Variants in ARMC9 observed in about 807,000 individuals in gnomAD.
ARMC9 encodes armadillo repeat containing 9.
Under a neutral mutation model 107.0 loss-of-function variants are expected in ARMC9, and 94 were observed. The ratio of observed to expected loss-of-function variants is 0.88; its 90% CI spans 0.74 to 1.04. ARMC9 has a LOEUF of 1.04. Among genes scored for constraint, ARMC9 ranks in the 50% least tolerant of loss-of-function variants. The pLI is 0.00. For missense variants in ARMC9, 942 were observed against 1,030.1 expected (o/e 0.91, Z 1.17); for synonymous variants, 380 against 396.9 (o/e 0.96, Z 0.51).
chr2:231,259,239 A>G, intron 11 of ARMC9, 137 bp downstream of exon 11: 1 of 736,654 alleles, frequency 1.4e-6, no homozygotes. Context: ...CAAGAACGGA[A>G]GTCAAAAGCC....
intron 21 of ARMC9, among the ~76,000 whole-genome samples, chr2:231,349,687 A>G (rs769792236): frequency 6.6e-6 from 1 of 152,132 alleles, no homozygotes; most frequent in Non-Finnish European, 1.5e-5. Context: ...AGGCTGAGGC[A>G]GGAGAATCAC....
chr2:231,357,180 G>A (rs183132136), intron 22 of ARMC9, among the ~76,000 whole-genome samples: 19 of 152,286 alleles, frequency 1.2e-4, no homozygotes, highest in African/African-American at 4.6e-4. Flanking sequence ...TCTGGGCCCA[G>A]GCACATTCCG....
intron 1 of ARMC9, among the ~76,000 whole-genome samples, chr2:231,205,371 A>G (rs2031817543): frequency 6.6e-6 from 1 of 151,804 alleles, no homozygotes; most frequent in Admixed American, 6.6e-5. Context: ...TCCCATCTCA[A>G]AAAAAAAATT....
chr2:231,355,870 C>T lies in ARMC9; in HGVS notation c.2067C>T (p.Ala689=), dbSNP rs1054720626. The T allele has an allele frequency of 1.0e-5, 16 of 1,536,014 alleles. No homozygotes were observed. Among genetic ancestry groups the T allele is most frequent in the African/African-American group, 8.2e-5 (6 of 73,046 alleles). ...ACGGCCACCCGCAGGCCCTGCCAGC[C>T]GCTCACGAGGCTGTCTACAGGGAGG... ...ARNGHPQALP[A]AHEAVYREGK... The change falls in exon 22 of 25, where the codon GCC becomes GCT. Residue 689 remains alanine, a synonymous_variant. Coordinates refer to ENST00000611582, the MANE Select transcript of ARMC9 (RefSeq NM_001352754.2).
intron 19 of ARMC9, among the ~76,000 whole-genome samples, chr2:231,321,754 C>T (rs79240780): frequency 0.012 from 1,876 of 152,252 alleles, 22 homozygotes; most frequent in East Asian, 0.055. Context: ...CCCTCTTCCT[C>T]TTCTCCATGT....
intron 17 of ARMC9, among the ~76,000 whole-genome samples, chr2:231,288,133 T>C (rs1357770429): frequency 3.3e-5 from 5 of 152,208 alleles, no homozygotes; most frequent in Admixed American, 3.3e-4. Flanking sequence ...ATTTAGAAGA[T>C]TGCCTAGCGT....
rs200914369 is a variant in ARMC9, at chr2:231,331,763, A to G, written c.1774-30A>G. Reference sequence around the variant, plus strand: ...CTTGGGAGCTTGTGTCAGGGTGTCCATGGCATTCACCCCATGTCTCCTGAA... The same window carrying G: ...CTTGGGAGCTTGTGTCAGGGTGTCCGTGGCATTCACCCCATGTCTCCTGAA... On this transcript the variant is annotated intron_variant, in intron 19 of 24. Coordinates refer to ENST00000611582, the MANE Select transcript of ARMC9 (RefSeq NM_001352754.2). 98 of 1,594,312 alleles carry G rather than the reference A, an allele frequency of 6.1e-5. No individual in the cohort carries two copies. In the Admixed American group the frequency reaches 6.9e-4, roughly 11 times the overall value.
At chr2:231,312,466 G>A (rs2042408135) in intron 19 of ARMC9, among the ~76,000 whole-genome samples, 1 of 152,266 alleles carries the variant, frequency 6.6e-6, no homozygotes, top group Non-Finnish European at 1.5e-5. Context: ...AAGCCACATA[G>A]CAAAAGGATG....
chr2:231,252,530 A>G (rs1293135398), intron 9 of ARMC9, among the ~76,000 whole-genome samples: 1 of 152,182 alleles, frequency 6.6e-6, no homozygotes, highest in Non-Finnish European at 1.5e-5. Flanking sequence ...GATTACAGGC[A>G]TGAGCCACCG....
At chr2:231,323,087 GCTAA>G in intron 19 of ARMC9, among the ~76,000 whole-genome samples, 1 of 152,124 alleles carries the variant, frequency 6.6e-6, no homozygotes, top group African/African-American at 2.4e-5. Context: ...ACTTCAGGAG[GCTAA>G]GGTGGGAGGA....
intron 7 of ARMC9, among the ~76,000 whole-genome samples, chr2:231,233,831 C>T (rs1434447907): frequency 6.6e-6 from 1 of 152,060 alleles, no homozygotes; most frequent in Non-Finnish European, 1.5e-5. Flanking sequence ...AGTCTTTCAC[C>T]CCTTTCCATG....
intron 10 of ARMC9, among the ~76,000 whole-genome samples, chr2:231,257,687 G>A (rs2037958717): frequency 6.6e-6 from 1 of 152,112 alleles, no homozygotes; most frequent in Admixed American, 6.5e-5. Flanking sequence ...CTTACAAAAT[G>A]AGGAGAATCA....
At position 231,360,963 on chromosome 2, in the gene ARMC9, C is replaced by T. The variant is rs1286034940; in HGVS notation, c.2261+80C>T. 6.9e-7 allele frequency: 1 copy of T among 1,446,008 alleles called. No homozygotes were observed. The highest frequency in any genetic ancestry group is 2.5e-5 in the East Asian group (1 of 40,308). The allele number at this position is 1,446,008 out of a possible 1,614,324, so 89.6% of individuals were successfully genotyped here. ...CGCCCCACGCCGGATGCAGAGCACC[C>T]AGGAGACCTGGAAGGCTCCTCTGAG... On this transcript the variant is annotated intron_variant, in intron 23 of 24. Transcript: ENST00000611582. This position sits in a 1 kb window ranked among gnomAD's most constrained non-coding sequence, Gnocchi z 4.7.
intron 19 of ARMC9, among the ~76,000 whole-genome samples, chr2:231,315,854 T>C (rs761378868): frequency 6.6e-6 from 1 of 152,256 alleles, no homozygotes; most frequent in Non-Finnish European, 1.5e-5. Flanking sequence ...TATGTACTGC[T>C]GCCCTTTGTA....
At chr2:231,215,024 G>T (rs2125321538) in intron 4 of ARMC9, 23 bp downstream of exon 4, 1 of 1,610,770 alleles carries the variant, frequency 6.2e-7, no homozygotes, top group Non-Finnish European at 8.5e-7. Context: ...GGTGATGCGG[G>T]TGGGTCTGAG....
chr2:231,270,525 A>G (rs2039231062), intron 12 of ARMC9: 1 of 431,346 alleles, frequency 2.3e-6, no homozygotes, highest in Non-Finnish European at 4.8e-6. Context: ...GCCTCTTGCC[A>G]TGCTGCAGTC....
At position 231,232,455 on chromosome 2, in the gene ARMC9, CT is replaced by C. The variant is rs373033096; in HGVS notation, c.623-2756del. ...CTGGATGTAAATTCATGCCAGGTGA[CT>C]TTTTTTTTTTTTGAGACGGAGTTTC... On this transcript the variant is annotated intron_variant, in intron 7 of 24. Transcript: ENST00000611582. 4.4e-3 allele frequency among the ~76,000 whole-genome samples: 636 copies of C among 143,720 alleles called. 2 individuals carry two copies. Among genetic ancestry groups the C allele is most frequent in the African/African-American group, 0.012 (482 of 39,670 alleles). 94.3% of individuals were successfully genotyped at this position (143,720 alleles called of 152,430 possible).
intron 16 of ARMC9, among the ~76,000 whole-genome samples, chr2:231,279,502 T>C (rs973283245): frequency 1.4e-5 from 2 of 144,314 alleles, no homozygotes; most frequent in Admixed American, 1.4e-4. Context: ...TTTCTTTTTT[T>C]TCTTTTTTCT....
intron 17 of ARMC9, among the ~76,000 whole-genome samples, chr2:231,286,184 C>A (rs764407996): frequency 1.3e-5 from 2 of 151,904 alleles, no homozygotes; most frequent in African/African-American, 2.4e-5. Context: ...GGTGGGATCT[C>A]GGCTTACTGT....
Sources: gnomAD v4.1 joint callset for allele counts (sites outside exome capture counted in the v4.1 genomes callset) on GRCh38, gnomAD v4.1.1 for gene constraint, Gnocchi (gnomAD v3.1) non-coding constraint, MANE v1.5 for transcripts, NCBI Gene and HGNC (gene_info 2026-07-23, HGNC 2026-07-21) for gene names.